Variants in NEGR1 observed in about 807,000 individuals in gnomAD.
NEGR1 encodes IgLON family member 4.
Under a neutral mutation model 40.9 loss-of-function variants are expected in NEGR1, and 10 were observed. That is an observed-to-expected ratio of 0.24 (90% CI 0.15 to 0.42). The LOEUF is 0.42. Among genes scored for constraint, NEGR1 ranks in the 10% least tolerant of loss-of-function variants. The pLI is 1.00. For synonymous variants in NEGR1, 185 were observed against 166.8 expected, an observed-to-expected ratio of 1.11 and a Z score of -0.84; for missense variants, 352 against 438.9, an observed-to-expected ratio of 0.80 and a Z score of 1.77.
chr1:71,767,862 A>T (rs1482056631), intron 3 of NEGR1, among the ~76,000 whole-genome samples: 2 of 152,202 alleles, frequency 1.3e-5, no homozygotes, highest in Non-Finnish European at 2.9e-5. Flanking sequence ...CTCCAGCTCC[A>T]GACATGGCTC....
At chr1:71,699,669 G>T (rs1001229302) in intron 3 of NEGR1, among the ~76,000 whole-genome samples, 3 of 151,738 alleles carry the variant, frequency 2.0e-5, no homozygotes, top group Admixed American at 6.6e-5. Flanking sequence ...ACTACATCAG[G>T]TACTGATGTG....
chr1:71,521,923 TTAA>T (rs1461726250), intron 6 of NEGR1, among the ~76,000 whole-genome samples: 3 of 151,964 alleles, frequency 2.0e-5, no homozygotes, highest in African/African-American at 7.2e-5. Flanking sequence ...TTTGTACATA[TTAA>T]TATTTCAAGT....
intron 4 of NEGR1, among the ~76,000 whole-genome samples, chr1:71,648,214 C>A (rs1651596444): frequency 6.6e-6 from 1 of 151,842 alleles, no homozygotes; most frequent in African/African-American, 2.4e-5. Context: ...AAAACAAAAA[C>A]CAGAACAGTT....
intron 1 of NEGR1, among the ~76,000 whole-genome samples, chr1:72,278,743 T>A (rs1293792354): frequency 5.3e-5 from 8 of 151,858 alleles, no homozygotes; most frequent in Non-Finnish European, 1.5e-5. Context: ...ACTCAAAACA[T>A]GGAAAAAAAG....
At chr1:71,661,246 T>C (rs1317673283) in intron 4 of NEGR1, among the ~76,000 whole-genome samples, 1 of 152,212 alleles carries the variant, frequency 6.6e-6, no homozygotes, top group Non-Finnish European at 1.5e-5. Flanking sequence ...AAATGGTATT[T>C]CTAGTTCTAA....
At chr1:71,429,009 CT>C (rs1191891090) in intron 6 of NEGR1, among the ~76,000 whole-genome samples, 1 of 152,124 alleles carries the variant, frequency 6.6e-6, no homozygotes, top group Non-Finnish European at 1.5e-5. Context: ...TTTTCAAAGA[CT>C]TTTCTTTCAC....
intron 1 of NEGR1, among the ~76,000 whole-genome samples, chr1:72,257,957 T>C (rs1655329561): frequency 6.6e-6 from 1 of 152,200 alleles, no homozygotes; most frequent in Admixed American, 6.5e-5. Flanking sequence ...AGTCATTGTT[T>C]TATGGCAAAG....
intron 6 of NEGR1, among the ~76,000 whole-genome samples, chr1:71,418,844 G>A (rs1231178814): frequency 2.0e-5 from 3 of 151,840 alleles, no homozygotes; most frequent in South Asian, 2.1e-4. Context: ...TCTTCTTCCC[G>A]ACAGAGTCTA....
At chr1:72,122,352 T>G (rs1419461464) in intron 1 of NEGR1, among the ~76,000 whole-genome samples, 1 of 151,944 alleles carries the variant, frequency 6.6e-6, no homozygotes, top group Admixed American at 6.6e-5. Flanking sequence ...CAGGACCCTA[T>G]TTGTAAAGAA....
At chr1:72,023,667 A>AAATAATTACTGAACACAAGAAC (rs144071741) in intron 1 of NEGR1, among the ~76,000 whole-genome samples, 14,802 of 151,336 alleles carry the variant, frequency 0.098, 816 homozygotes, top group Middle Eastern at 0.18. Flanking sequence ...AAAACTTAAC[A>AAATAATTACTGAACACAAGAAC]AATAACACAA....
intron 4 of NEGR1, among the ~76,000 whole-genome samples, chr1:71,666,249 A>T (rs1652237887): frequency 6.6e-6 from 1 of 152,196 alleles, no homozygotes; most frequent in Admixed American, 6.5e-5. Context: ...GAAAATAGTT[A>T]AAATGCTTTT....
intron 3 of NEGR1, among the ~76,000 whole-genome samples, chr1:71,771,537 C>T (rs1656323835): frequency 6.6e-6 from 1 of 151,574 alleles, no homozygotes; most frequent in Non-Finnish European, 1.5e-5. Context: ...CCTCTCTCTA[C>T]TAAAAGTACA....
chr1:72,164,065 G>C (rs1651687029), intron 1 of NEGR1, among the ~76,000 whole-genome samples: 1 of 151,552 alleles, frequency 6.6e-6, no homozygotes, highest in African/African-American at 2.4e-5. Context: ...AGGTTGGATG[G>C]GAAAGGAGGC....
intron 6 of NEGR1, among the ~76,000 whole-genome samples, chr1:71,507,812 C>G (rs1569963507): frequency 6.6e-6 from 1 of 152,178 alleles, no homozygotes; most frequent in Non-Finnish European, 1.5e-5. Context: ...TATCACACCC[C>G]TTGGCATCCC....
chr1:72,020,897 G>C (rs530183868), intron 1 of NEGR1, among the ~76,000 whole-genome samples: 2 of 152,198 alleles, frequency 1.3e-5, no homozygotes, highest in Admixed American at 1.3e-4. Flanking sequence ...GTTAGATTAA[G>C]CAGATTTAAA....
Position 71,407,589 on chromosome 1 carries a change from G to A in NEGR1, c.941-19C>T. 2 of 1,609,416 alleles carry A rather than the reference G, an allele frequency of 1.2e-6. No individual in the cohort carries two copies. The highest frequency in any genetic ancestry group is 1.7e-4 in the Middle Eastern group (1 of 6,028). On this transcript the variant is annotated intron_variant, in intron 6 of 6. Coordinates refer to ENST00000357731, the MANE Select transcript of NEGR1 (RefSeq NM_173808.3). ...CTTGGAGCTGGAAAGAAATGGAAAA[G>A]ATTAAATCAAAATCTAATTTGTGTC...
intron 6 of NEGR1, among the ~76,000 whole-genome samples, chr1:71,545,409 G>T (rs1647860776): frequency 6.6e-6 from 1 of 151,636 alleles, no homozygotes; most frequent in African/African-American, 2.4e-5. Context: ...TAGATTGGAG[G>T]TGATTAAACT....
intron 2 of NEGR1, among the ~76,000 whole-genome samples, chr1:71,848,014 A>T (rs1659477321): frequency 6.6e-6 from 1 of 152,212 alleles, no homozygotes; most frequent in Non-Finnish European, 1.5e-5. Context: ...GATATGGAGA[A>T]ATTTTAGTGG....
intron 4 of NEGR1, among the ~76,000 whole-genome samples, chr1:71,685,199 G>A (rs1319422258): frequency 6.6e-6 from 1 of 151,662 alleles, no homozygotes; most frequent in East Asian, 1.9e-4. Context: ...CTTCCCATTT[G>A]GCTACAAGTA....
Sources: allele counts gnomAD v4.1 joint callset (sites outside exome capture counted in the v4.1 genomes callset), GRCh38; gene constraint gnomAD v4.1.1; transcripts MANE v1.5; gene names NCBI Gene and HGNC (gene_info 2026-07-23, HGNC 2026-07-21).